The following NAE1 variants were observed in gnomAD, a reference collection of about 807,000 sequenced individuals.
NAE1 encodes NEDD8-activating enzyme E1 regulatory subunit.
A neutral mutation model predicts 88.0 loss-of-function variants in NAE1; 59 were observed. That is an observed-to-expected ratio of 0.67 (90% CI 0.54 to 0.83). NAE1 has a LOEUF of 0.83. Among genes scored for constraint, NAE1 ranks in the 40% least tolerant of loss-of-function variants. The pLI, the probability that NAE1 is intolerant of heterozygous loss-of-function variation, is 0.00. For synonymous variants in NAE1, 186 were observed against 208.9 expected, an observed-to-expected ratio of 0.89 and a Z score of 0.95; for missense variants, 554 against 632.8, an observed-to-expected ratio of 0.88 and a Z score of 1.34.
intron 11 of NAE1, among the ~76,000 whole-genome samples, chr16:66,816,259 G>C (rs1383537390): frequency 6.6e-6 from 1 of 151,858 alleles, no homozygotes; most frequent in African/African-American, 2.4e-5. Context: ...TCTGCCTCCT[G>C]GGTTCAAGTG....
chr16:66,816,466 T>A (rs1960049588), intron 11 of NAE1, 115 bp downstream of exon 11: 2 of 841,294 alleles, frequency 2.4e-6, no homozygotes, highest in Non-Finnish European at 3.8e-6. Context: ...CTGTATTTAT[T>A]TCTAACTATA....
intron 19 of NAE1, 72 bp downstream of exon 19, chr16:66,805,705 G>A (rs920553769): frequency 7.3e-6 from 9 of 1,233,442 alleles, no homozygotes; most frequent in Middle Eastern, 2.1e-4. Flanking sequence ...ATAGCTAGAC[G>A]ACAAAACTTT....
intron 1 of NAE1, 54 bp from the exon 2 acceptor site, chr16:66,826,834 T>G (rs1168019046): frequency 1.3e-6 from 2 of 1,508,008 alleles, no homozygotes; most frequent in East Asian, 4.5e-5. Context: ...AAATACAGCT[T>G]TCTTATTTGA....
Position 66,813,689 on chromosome 16 carries a change from T to A in NAE1, c.909A>T (p.Ser303=). The change falls in exon 13 of 20, where the codon TCA becomes TCT. Residue 303 remains serine, a synonymous_variant. Transcript: ENST00000290810. ...RCINITKQTP[S]FWILARALKE... ...TTAAGGCACGAGCTAAAATCCAAAA[T>A]GATGGAGTCTAAAAGAATAAGAAAA... 1.2e-6 allele frequency: 2 copies of A among 1,613,508 alleles called. No individual in the cohort carries two copies. Among genetic ancestry groups the A allele is most frequent in the Non-Finnish European group, 1.7e-6 (2 of 1,179,754 alleles).
chr16:66,803,608 T>A (rs1959441722), intron 19 of NAE1, among the ~76,000 whole-genome samples: 1 of 151,596 alleles, frequency 6.6e-6, no homozygotes, highest in African/African-American at 2.4e-5. Flanking sequence ...TTTTTTTTTT[T>A]AGACTAGAGT....
chr16:66,807,662 T>C (rs1959623764), intron 17 of NAE1, among the ~76,000 whole-genome samples: 1 of 151,052 alleles, frequency 6.6e-6, no homozygotes, highest in Non-Finnish European at 1.5e-5. Flanking sequence ...AAAAAGACTA[T>C]AAACTCTGGA....
intron 1 of NAE1, among the ~76,000 whole-genome samples, chr16:66,828,971 A>G (rs990216749): frequency 2.0e-5 from 3 of 150,754 alleles, no homozygotes; most frequent in Non-Finnish European, 2.9e-5. Context: ...CCTGGGTCAC[A>G]AAGTGAGACC....
chr16:66,808,178 C>T (rs112676399), intron 17 of NAE1, among the ~76,000 whole-genome samples: 87 of 152,278 alleles, frequency 5.7e-4, no homozygotes, highest in African/African-American at 2.0e-3. Flanking sequence ...AGACGTGAGC[C>T]ACCGTACTAT....
intron 13 of NAE1, among the ~76,000 whole-genome samples, chr16:66,812,823 TTC>T (rs1491152640): frequency 2.8e-5 from 4 of 144,678 alleles, no homozygotes; most frequent in Non-Finnish European, 6.0e-5. Context: ...CCGGCCTAAG[TTC>T]TTTTTTTTTT....
intron 13 of NAE1, among the ~76,000 whole-genome samples, chr16:66,811,932 T>A (rs1048715423): frequency 1.3e-5 from 2 of 152,156 alleles, no homozygotes; most frequent in African/African-American, 4.8e-5. Context: ...GTGACATTAC[T>A]TGGACCCCAA....
chr16:66,806,073 T>A (rs755678772), intron 17 of NAE1, 47 bp from the exon 18 acceptor site: 29 of 1,541,080 alleles, frequency 1.9e-5, no homozygotes, highest in Non-Finnish European at 2.3e-5. Flanking sequence ...GATTCAAAAT[T>A]AATGGCCAAC....
intron 11 of NAE1, among the ~76,000 whole-genome samples, chr16:66,815,559 G>A (rs1051670392): frequency 2.0e-5 from 3 of 151,966 alleles, no homozygotes; most frequent in Non-Finnish European, 2.9e-5. Context: ...ATCTCCCTAC[G>A]TTGTCCAGGC....
Position 66,802,981 on chromosome 16 carries a change from AAC to A in NAE1, c.*26_*27del. On this transcript the variant is annotated 3_prime_UTR_variant, in exon 20 of 20. Coordinates refer to ENST00000290810, the MANE Select transcript of NAE1 (RefSeq NM_003905.4). ...GAAGGCAATTACAGTTTCAATCATTAACACACTACTTAAGGTGCTTGCTTACT... is the reference window on the plus strand; with the variant it reads ...GAAGGCAATTACAGTTTCAATCATTAACACTACTTAAGGTGCTTGCTTACT... The A allele has an allele frequency of 7.2e-7, 1 of 1,380,758 alleles. No homozygotes were observed. The highest frequency in any genetic ancestry group is 1.0e-6 in the Non-Finnish European group (1 of 968,200). 85.5% of individuals were successfully genotyped at this position (1,380,758 alleles called of 1,614,324 possible). A position where few individuals can be genotyped will look rare whatever the true frequency, so the allele number is the denominator to read the frequency against.
chr16:66,806,100 G>T, intron 17 of NAE1, 74 bp from the exon 18 acceptor site: 1 of 1,439,906 alleles, frequency 6.9e-7, no homozygotes, highest in South Asian at 1.5e-5. Flanking sequence ...ATTTAATCTA[G>T]TTTCAGATGT....
intron 11 of NAE1, among the ~76,000 whole-genome samples, chr16:66,814,794 T>C (rs1175256365): frequency 6.6e-6 from 1 of 152,158 alleles, no homozygotes; most frequent in African/African-American, 2.4e-5. Flanking sequence ...CTTCCCTGAC[T>C]GAAATGCTTA....
In NAE1 at chr16:66,810,717, A is replaced by G; in HGVS notation, c.1090T>C (p.Leu364=). 3 of 1,614,234 alleles carry G rather than the reference A, an allele frequency of 1.9e-6. No homozygotes were observed. The highest frequency in any genetic ancestry group is 2.2e-5 in the East Asian group (1 of 44,886). ...CTTACCTGGCCAATGGACTGCAGCA[A>G]TTTGGCAACATGATTACCCACAGCG... ...AAAVGNHVAK[L]LQSIGQAPES... The change falls in exon 14 of 20, where the codon TTG becomes CTG. Residue 364 remains leucine, a synonymous_variant. Coordinates refer to ENST00000290810, the MANE Select transcript of NAE1 (RefSeq NM_003905.4).
intron 8 of NAE1, 79 bp from the exon 9 acceptor site, chr16:66,817,566 A>G: frequency 1.0e-6 from 1 of 982,298 alleles, no homozygotes; most frequent in Non-Finnish European, 1.5e-6. Context: ...AACAAATTCA[A>G]CAATATTTAT....
chr16:66,823,328 AAAAC>A (rs755817229), intron 5 of NAE1, 22 bp from the exon 6 acceptor site: 14 of 1,550,410 alleles, frequency 9.0e-6, no homozygotes, highest in East Asian at 6.8e-5. Context: ...AGCAAAGAAA[AAAAC>A]AAACAAAAAA....
At chr16:66,824,671 CACAG>C in intron 4 of NAE1, 180 bp downstream of exon 4, 1 of 514,216 alleles carries the variant, frequency 1.9e-6, no homozygotes, top group Non-Finnish European at 3.4e-6. Flanking sequence ...AATGTATAAA[CACAG>C]ACAGTACACC....
Sources: allele counts gnomAD v4.1 joint callset (sites outside exome capture counted in the v4.1 genomes callset), GRCh38; gene constraint gnomAD v4.1.1; transcripts MANE v1.5; gene names NCBI Gene and HGNC (gene_info 2026-07-23, HGNC 2026-07-21).